ANXA5: variants seen among roughly 807,000 people sequenced by gnomAD.
ANXA5 encodes the protein CBP-I.
ANXA5 carries 40 observed loss-of-function variants against 48.1 expected under a neutral mutation model. The observed-to-expected ratio is 0.83, with a 90% CI of 0.65 to 1.08. The LOEUF (loss-of-function observed/expected upper bound fraction) is 1.08. Ranked by LOEUF, ANXA5 falls within the 50% of genes least tolerant of loss-of-function variation. The pLI, the probability that ANXA5 is intolerant of heterozygous loss-of-function variation, is 0.00. For synonymous variants in ANXA5, 113 were observed against 129.1 expected (o/e 0.88, Z 0.85); for missense variants, 357 against 376.8 (o/e 0.95, Z 0.44).
In ANXA5 at chr4:121,669,972, G is replaced by A. The variant is rs1267182054; in HGVS notation, c.762C>T (p.Thr254=). ...IRSIPAYLAE[T]LYYAMKGAGT... Reference sequence around the variant, plus strand: ...CACTTACCTTCATAGCATAATAGAGGGTCTCTGCAAGGTAGGCAGGTATAC... The same window carrying A: ...CACTTACCTTCATAGCATAATAGAGAGTCTCTGCAAGGTAGGCAGGTATAC... Residue 254 remains threonine (T), a synonymous_variant, in exon 11 of 13, where the codon ACC becomes ACT. Transcript: ENST00000296511. 5 of 1,603,722 alleles carry A rather than the reference G, an allele frequency of 3.1e-6. No individual in the cohort carries two copies. The South Asian group carries it at 3.4e-5, about 11-fold the overall frequency.
chr4:121,686,638 C>G (rs534446603), intron 2 of ANXA5, among the ~76,000 whole-genome samples: 1 of 152,252 alleles, frequency 6.6e-6, no homozygotes, highest in African/African-American at 2.4e-5. Context: ...GAAACCCCAC[C>G]AACACCTCCT....
Position 121,678,407 on chromosome 4 carries a change from C to G in ANXA5, c.474+8G>C. On this transcript the variant is annotated splice_region_variant and intron_variant, in intron 7 of 12. Transcript: ENST00000296511. Reference sequence around the variant, plus strand: ...TTAATCAAACTGTAATTAATCTCCACGCAATACCTGAAGGAGAACCACCAA... The same window carrying G: ...TTAATCAAACTGTAATTAATCTCCAGGCAATACCTGAAGGAGAACCACCAA... The G allele has an allele frequency of 6.2e-7, 1 of 1,610,418 alleles. No individual in the cohort carries two copies. Among genetic ancestry groups the G allele is most frequent in the East Asian group, 2.2e-5 (1 of 44,850 alleles).
At position 121,686,366 on chromosome 4, in the gene ANXA5, T is replaced by A. The variant is rs1724890333; in HGVS notation, c.16A>T (p.Arg6Ter). The A allele has an allele frequency of 6.2e-7, 1 of 1,613,550 alleles. No homozygotes were observed. The highest frequency in any genetic ancestry group is 1.7e-4 in the Middle Eastern group (1 of 6,060). ...CCAGGGAAGTCAGTCACAGTGCCTCTGAGAACCTAATTCACGAAACACAGT... is the reference window on the plus strand; with the variant it reads ...CCAGGGAAGTCAGTCACAGTGCCTCAGAGAACCTAATTCACGAAACACAGT... MAQVL[R>*]GTVTDFPGFD... The change falls in exon 3 of 13, where the codon AGA becomes TGA. Residue 6 changes from arginine to a stop codon, truncating the protein, a stop_gained. Coordinates refer to ENST00000296511, the MANE Select transcript of ANXA5 (RefSeq NM_001154.4). LOFTEE classifies it high-confidence loss of function.
intron 2 of ANXA5, among the ~76,000 whole-genome samples, chr4:121,687,591 G>A (rs1242833786): frequency 2.6e-5 from 4 of 152,146 alleles, no homozygotes; most frequent in African/African-American, 9.7e-5. Flanking sequence ...TTCCATCTTA[G>A]CCTCCAATTG....
chr4:121,692,220 A>G lies in ANXA5; in HGVS notation c.9+4361T>C, dbSNP rs536729316. On this transcript the variant is annotated intron_variant, in intron 2 of 12. Transcript: ENST00000296511. The stretch of plus-strand genomic sequence containing the variant: ...AAAAAACATCACTGGAGAACAGACT[A>G]AGTTGTTTGCATCGTGGTAGAAAAG... 7.9e-5 allele frequency among the ~76,000 whole-genome samples: 12 copies of G among 152,318 alleles called. 1 individual carries two copies. The highest frequency in any genetic ancestry group is 1.2e-4 in the African/African-American group (5 of 41,572).
At chr4:121,684,833 G>A in intron 3 of ANXA5, 62 bp from the exon 4 acceptor site, 1 of 1,289,480 alleles carries the variant, frequency 7.8e-7, no homozygotes, top group Non-Finnish European at 1.1e-6. Context: ...CAACGATCTT[G>A]GCAACTCGCT....
intron 8 of ANXA5, among the ~76,000 whole-genome samples, chr4:121,674,072 C>A (rs1419268814): frequency 6.7e-6 from 1 of 150,336 alleles, no homozygotes; most frequent in East Asian, 2.0e-4. Context: ...TCCCAGCTAC[C>A]CGGGAGGCTG....
intron 2 of ANXA5, among the ~76,000 whole-genome samples, chr4:121,694,513 T>C (rs1487992946): frequency 1.3e-5 from 2 of 150,522 alleles, no homozygotes; most frequent in African/African-American, 4.9e-5. Flanking sequence ...GCCTCCCGAG[T>C]AGCTGGGATT....
chr4:121,681,491 A>G, intron 6 of ANXA5, 180 bp downstream of exon 6: 1 of 511,258 alleles, frequency 2.0e-6, no homozygotes, highest in East Asian at 3.1e-5. Flanking sequence ...GAGGATAACA[A>G]GGCAGTCTTT....
chr4:121,674,883 T>C (rs1724672745), intron 8 of ANXA5, among the ~76,000 whole-genome samples: 1 of 152,182 alleles, frequency 6.6e-6, no homozygotes, highest in Non-Finnish European at 1.5e-5. Context: ...CCTGGTTCAG[T>C]GCAAAGGATG....
At chr4:121,680,530 A>G (rs921403471) in intron 6 of ANXA5, among the ~76,000 whole-genome samples, 2 of 152,160 alleles carry the variant, frequency 1.3e-5, no homozygotes, top group Non-Finnish European at 2.9e-5. Flanking sequence ...ACTGCACACA[A>G]ACTGCTTGAG....
At chr4:121,685,849 G>A (rs1328790366) in intron 3 of ANXA5, among the ~76,000 whole-genome samples, 2 of 152,138 alleles carry the variant, frequency 1.3e-5, no homozygotes, top group Non-Finnish European at 2.9e-5. Context: ...AGGGTGACAA[G>A]CTCAAAAGCA....
At chr4:121,692,749 A>G (rs1015045322) in intron 2 of ANXA5, among the ~76,000 whole-genome samples, 3 of 152,204 alleles carry the variant, frequency 2.0e-5, no homozygotes, top group African/African-American at 7.2e-5. Flanking sequence ...AAATAGTAAT[A>G]CCTATTTCCA....
At chr4:121,671,682 C>A in intron 9 of ANXA5, 40 bp from the exon 10 acceptor site, 1 of 1,324,146 alleles carries the variant, frequency 7.6e-7, no homozygotes. Context: ...ATGTAGGGAT[C>A]ACTCTTTCCA....
intron 2 of ANXA5, among the ~76,000 whole-genome samples, chr4:121,691,698 G>GT (rs1171438296): frequency 6.6e-6 from 1 of 152,144 alleles, no homozygotes; most frequent in African/African-American, 2.4e-5. Flanking sequence ...CCAAAAAACA[G>GT]TAAGCTGGGA....
chr4:121,690,513 T>C (rs1290770968), intron 2 of ANXA5, among the ~76,000 whole-genome samples: 2 of 151,962 alleles, frequency 1.3e-5, no homozygotes, highest in Non-Finnish European at 2.9e-5. Flanking sequence ...AGGAATGAAT[T>C]GAGGGAAAGA....
intron 9 of ANXA5, 133 bp from the exon 10 acceptor site, chr4:121,671,775 C>A: frequency 1.5e-6 from 1 of 649,658 alleles, no homozygotes; most frequent in Non-Finnish European, 2.7e-6. Context: ...ACCTTGTGCT[C>A]AAAGCCTCAA....
intron 9 of ANXA5, 146 bp downstream of exon 9, chr4:121,672,384 TGAG>T: frequency 1.6e-6 from 1 of 606,204 alleles, no homozygotes; most frequent in Non-Finnish European, 2.9e-6. Flanking sequence ...AAAACAATGT[TGAG>T]ATTTCTCCAG....
Position 121,683,359 on chromosome 4 carries a change from T to C in ANXA5, c.303+5A>G. 1 of 1,561,790 alleles carries C rather than the reference T, an allele frequency of 6.4e-7. No individual in the cohort carries two copies. The highest frequency in any genetic ancestry group is 8.8e-7 in the Non-Finnish European group (1 of 1,139,782). The stretch of plus-strand genomic sequence containing the variant: ...AAGAATGTTCCTTTCACTCATCCTT[T>C]TTACCTTCAAGGCATGTTTCAGTTC... On this transcript the variant is annotated splice_donor_5th_base_variant and intron_variant, in intron 5 of 12. Coordinates refer to ENST00000296511, the MANE Select transcript of ANXA5 (RefSeq NM_001154.4).
Sources: allele counts gnomAD v4.1 joint callset (sites outside exome capture counted in the v4.1 genomes callset), GRCh38; gene constraint gnomAD v4.1.1; transcripts MANE v1.5; gene names NCBI Gene and HGNC (gene_info 2026-07-23, HGNC 2026-07-21).